The following CCSER1 variants were observed in gnomAD, a reference collection of about 807,000 sequenced individuals.
CCSER1 encodes serine-rich coiled-coil domain-containing protein 1.
A neutral mutation model predicts 82.0 loss-of-function variants in CCSER1; 41 were observed. That is an observed-to-expected ratio of 0.50 (90% CI 0.39 to 0.65). The LOEUF (loss-of-function observed/expected upper bound fraction) is 0.65, where lower values mean the gene tolerates loss of function less well. Ranked by LOEUF, CCSER1 falls within the 30% of genes least tolerant of loss-of-function variation. The probability of loss-of-function intolerance (pLI) is 0.00; values close to 1 mark genes in which losing one functional copy is unlikely to be tolerated. For synonymous variants in CCSER1, 414 were observed against 383.9 expected (o/e 1.08, Z -0.92); for missense variants, 1,119 against 1,064.2 (o/e 1.05, Z -0.72).
intron 10 of CCSER1, chr4:91,112,804 G>A (rs1726203956): frequency 6.6e-6 from 1 of 152,006 alleles, no homozygotes; most frequent in Admixed American, 6.6e-5. Flanking sequence ...TATTGTTATT[G>A]GAATATAATT....
At chr4:90,480,421 CT>C (rs1454687011) in intron 5 of CCSER1, among the ~76,000 whole-genome samples, 1 of 152,120 alleles carries the variant, frequency 6.6e-6, no homozygotes, top group Admixed American at 6.5e-5. Flanking sequence ...GTTTCCATTG[CT>C]TTTGGTGTTT....
At chr4:91,558,560 A>AT (rs1560762551) in intron 10 of CCSER1, among the ~76,000 whole-genome samples, 1 of 151,670 alleles carries the variant, frequency 6.6e-6, no homozygotes, top group African/African-American at 2.4e-5. Flanking sequence ...TGATAAAGGC[A>AT]TACCTGAGAC....
chr4:90,834,680 T>C (rs909651076), intron 8 of CCSER1, among the ~76,000 whole-genome samples: 17 of 152,344 alleles, frequency 1.1e-4, no homozygotes, highest in Non-Finnish European at 2.5e-4. Flanking sequence ...AATACCGTGT[T>C]CAGTTACAGA....
At chr4:90,330,774 C>T (rs1434305465) in intron 3 of CCSER1, among the ~76,000 whole-genome samples, 10 of 152,084 alleles carry the variant, frequency 6.6e-5, no homozygotes, top group Admixed American at 5.2e-4. Flanking sequence ...CTTACTATTA[C>T]GCTGCTGGAA....
intron 1 of CCSER1, among the ~76,000 whole-genome samples, chr4:90,198,149 T>C (rs578127902): frequency 2.0e-5 from 3 of 152,306 alleles, no homozygotes; most frequent in East Asian, 3.9e-4. Context: ...CTAGGCATGA[T>C]TGATTAAATC....
At chr4:90,872,125 C>G (rs540979357) in intron 8 of CCSER1, among the ~76,000 whole-genome samples, 1 of 151,822 alleles carries the variant, frequency 6.6e-6, no homozygotes, top group South Asian at 2.1e-4. Flanking sequence ...CATTCAGCTA[C>G]TTTATGTCTT....
intron 10 of CCSER1, among the ~76,000 whole-genome samples, chr4:91,470,431 GA>G (rs1757207788): frequency 7.9e-6 from 1 of 125,862 alleles, no homozygotes; most frequent in Non-Finnish European, 1.7e-5. Context: ...TTATATTATG[GA>G]AGACTGAAAT....
At chr4:90,683,679 T>C (rs1053496771) in intron 6 of CCSER1, among the ~76,000 whole-genome samples, 1 of 152,076 alleles carries the variant, frequency 6.6e-6, no homozygotes, top group African/African-American at 2.4e-5. Flanking sequence ...TCTGCTGTAA[T>C]GATTAATTAT....
At chr4:91,165,762 A>G (rs1165133437) in intron 10 of CCSER1, among the ~76,000 whole-genome samples, 2 of 152,250 alleles carry the variant, frequency 1.3e-5, no homozygotes, top group Non-Finnish European at 2.9e-5. Context: ...ATCTCCTGGT[A>G]TGTCATTTGC....
intron 6 of CCSER1, among the ~76,000 whole-genome samples, chr4:90,666,529 C>CAATT (rs1410129309): frequency 1.3e-5 from 2 of 152,036 alleles, no homozygotes; most frequent in African/African-American, 4.8e-5. Flanking sequence ...TAAAGGTTGG[C>CAATT]AATTAGTAGA....
At chr4:90,893,501 G>A (rs1224855037) in intron 8 of CCSER1, among the ~76,000 whole-genome samples, 1 of 152,082 alleles carries the variant, frequency 6.6e-6, no homozygotes, top group African/African-American at 2.4e-5. Flanking sequence ...CAAGGAGATG[G>A]GAGGGTGGGA....
chr4:90,981,701 A>G (rs1047908325), intron 9 of CCSER1, among the ~76,000 whole-genome samples: 1 of 151,820 alleles, frequency 6.6e-6, no homozygotes, highest in Non-Finnish European at 1.5e-5. Flanking sequence ...TTGATGGGGA[A>G]CCCAAGTTCA....
chr4:91,288,955 T>C (rs895893654), intron 10 of CCSER1, among the ~76,000 whole-genome samples: 1 of 151,922 alleles, frequency 6.6e-6, no homozygotes, highest in Admixed American at 6.6e-5. Context: ...TATAGACTAA[T>C]AACGATTGAG....
At chr4:91,004,133 G>C (rs1057034574) in intron 9 of CCSER1, among the ~76,000 whole-genome samples, 2 of 152,132 alleles carry the variant, frequency 1.3e-5, no homozygotes, top group African/African-American at 4.8e-5. Flanking sequence ...GGTTATCTCG[G>C]CTCTTCTGGT....
chr4:91,368,359 A>G (rs1749789855), intron 10 of CCSER1, among the ~76,000 whole-genome samples: 1 of 152,136 alleles, frequency 6.6e-6, no homozygotes, highest in South Asian at 2.1e-4. Flanking sequence ...TATGCCCTTT[A>G]GCAAATATAA....
intron 1 of CCSER1, among the ~76,000 whole-genome samples, chr4:90,149,073 A>T (rs1726339388): frequency 6.6e-6 from 1 of 152,190 alleles, no homozygotes; most frequent in Non-Finnish European, 1.5e-5. Flanking sequence ...TGCAGGCAAC[A>T]CCAAATACTG....
intron 10 of CCSER1, among the ~76,000 whole-genome samples, chr4:91,522,107 C>A (rs548427344): frequency 1.1e-3 from 170 of 152,142 alleles, no homozygotes; most frequent in African/African-American, 3.9e-3. Context: ...ATGGCTAGCC[C>A]GTTTTCCCAG....
At chr4:90,694,826 G>GTGTT (rs1736714541) in intron 6 of CCSER1, among the ~76,000 whole-genome samples, 2 of 147,656 alleles carry the variant, frequency 1.4e-5, no homozygotes, top group South Asian at 2.1e-4. Context: ...GTGTGTGTGT[G>GTGTT]TTTTAGTTTA....
At chr4:91,464,317 A>T (rs557360771) in intron 10 of CCSER1, among the ~76,000 whole-genome samples, 1 of 152,312 alleles carries the variant, frequency 6.6e-6, no homozygotes, top group South Asian at 2.1e-4. Context: ...AGATTTTGTC[A>T]CCAAAAGGCC....
Sources: gnomAD v4.1 joint callset for allele counts (sites outside exome capture counted in the v4.1 genomes callset) on GRCh38, gnomAD v4.1.1 for gene constraint, MANE v1.5 for transcripts, NCBI Gene and HGNC (gene_info 2026-07-23, HGNC 2026-07-21) for gene names.